Variants in ANXA10 observed in about 807,000 individuals in gnomAD.
The protein encoded by ANXA10 is annexin A10, also known as annexin 14.
In ANXA10, 49 loss-of-function variants were observed where a neutral mutation model predicts 53.5. The observed-to-expected ratio is 0.92, with a 90% CI of 0.73 to 1.16. The LOEUF (loss-of-function observed/expected upper bound fraction) is 1.16, where lower values mean the gene tolerates loss of function less well. ANXA10 is among the 50% of genes most tolerant of loss of function. The pLI, the probability that ANXA10 is intolerant of heterozygous loss-of-function variation, is 0.00. For missense variants in ANXA10, 393 were observed against 394.4 expected (o/e 1.00, Z 0.03); for synonymous variants, 131 against 128.9 (o/e 1.02, Z -0.11).
intron 8 of ANXA10, 172 bp downstream of exon 8, chr4:168,178,155 C>A: frequency 1.7e-6 from 1 of 587,830 alleles, no homozygotes; most frequent in South Asian, 2.3e-5. Context: ...AATGACATTA[C>A]TAAGGAATAA....
chr4:168,171,706 T>C (rs1371054687), intron 6 of ANXA10, among the ~76,000 whole-genome samples: 2 of 152,224 alleles, frequency 1.3e-5, no homozygotes, highest in Non-Finnish European at 2.9e-5. Context: ...ACATTCTTCT[T>C]GAAAACTAAT....
In ANXA10 at chr4:168,146,265, G is replaced by A. The variant is rs973663651; in HGVS notation, c.195+6685G>A. ...GGTCAGATTTCAAGTAGTCTAGAAA[G>A]CCAAAAACATGGCACAGATTATTTT... is the stretch of plus-strand genomic sequence containing the variant. On this transcript the variant is annotated intron_variant, in intron 3 of 11. Transcript: ENST00000359299. Among the ~76,000 whole-genome samples the A allele has an allele frequency of 3.3e-5, 5 of 152,288 alleles. No homozygotes were observed. In the East Asian group the frequency reaches 7.7e-4, roughly 24 times the overall value.
intron 2 of ANXA10, among the ~76,000 whole-genome samples, chr4:168,128,950 AT>A (rs542227205): frequency 1.6e-3 from 238 of 151,870 alleles, no homozygotes; most frequent in Non-Finnish European, 2.7e-3. Flanking sequence ...ACAAAAAAAA[AT>A]ATTATATATA....
rs531057243 is a variant in ANXA10 at position 168,186,951 on chromosome 4, T to C, written c.907-415T>C. Among the ~76,000 whole-genome samples the C allele has an allele frequency of 2.6e-5, 4 of 152,208 alleles. No homozygotes were observed. The East Asian group carries it at 7.7e-4, about 29-fold the overall frequency. On this transcript the variant is annotated intron_variant, in intron 11 of 11. Coordinates refer to ENST00000359299, the MANE Select transcript of ANXA10 (RefSeq NM_007193.5). ...AATAACTTTCTTAATATATATTTCT[T>C]GAGGTAGAATTACTACATTAATAAT...
chr4:168,154,476 C>T (rs529171173), intron 3 of ANXA10, among the ~76,000 whole-genome samples: 11 of 152,102 alleles, frequency 7.2e-5, no homozygotes, highest in Non-Finnish European at 1.0e-4. Flanking sequence ...ATATAATAAA[C>T]GCAAAGATAA....
chr4:168,111,903 G>C (rs999994935), intron 1 of ANXA10, among the ~76,000 whole-genome samples: 2 of 152,042 alleles, frequency 1.3e-5, no homozygotes, highest in Non-Finnish European at 2.9e-5. Flanking sequence ...TTACAAGGAG[G>C]GCTGAGTAGT....
At chr4:168,153,445 AAACAAAAAC>A (rs1731537408) in intron 3 of ANXA10, among the ~76,000 whole-genome samples, 1 of 53,464 alleles carries the variant, frequency 1.9e-5, no homozygotes, top group Non-Finnish European at 4.7e-5. Flanking sequence ...AAAAAAACAA[AAACAAAAAC>A]AAAACAAAAA....
intron 1 of ANXA10, among the ~76,000 whole-genome samples, chr4:168,117,345 TC>T (rs1330038501): frequency 6.6e-6 from 1 of 152,220 alleles, no homozygotes; most frequent in Non-Finnish European, 1.5e-5. Context: ...GTGTGTGTTC[TC>T]CAAAATAACT....
chr4:168,097,975 A>G (rs1730578713), intron 1 of ANXA10, among the ~76,000 whole-genome samples: 1 of 152,070 alleles, frequency 6.6e-6, no homozygotes, highest in Admixed American at 6.6e-5. Flanking sequence ...ACCTCTCTAG[A>G]TATGTTGGTT....
At chr4:168,111,666 TAAG>T (rs1419630423) in intron 1 of ANXA10, among the ~76,000 whole-genome samples, 7 of 152,106 alleles carry the variant, frequency 4.6e-5, no homozygotes, top group Non-Finnish European at 8.8e-5. Context: ...TAATATCAAA[TAAG>T]ATAAAGAATA....
intron 1 of ANXA10, among the ~76,000 whole-genome samples, chr4:168,095,299 T>A (rs1330736192): frequency 9.9e-5 from 15 of 152,014 alleles, no homozygotes. Flanking sequence ...TACTATAGAT[T>A]CATTTCTTAG....
intron 1 of ANXA10, among the ~76,000 whole-genome samples, chr4:168,095,305 C>A (rs1730524005): frequency 6.6e-6 from 1 of 151,942 alleles, no homozygotes; most frequent in African/African-American, 2.4e-5. Context: ...AGATTCATTT[C>A]TTAGATGATA....
chr4:168,186,502 T>C (rs749834724), intron 11 of ANXA10, among the ~76,000 whole-genome samples: 2 of 152,302 alleles, frequency 1.3e-5, no homozygotes, highest in East Asian at 1.9e-4. Flanking sequence ...CCTTATAAAA[T>C]AGGCCAAAGA....
At chr4:168,102,291 GC>G (rs1730652852) in intron 1 of ANXA10, among the ~76,000 whole-genome samples, 1 of 151,996 alleles carries the variant, frequency 6.6e-6, no homozygotes, top group Non-Finnish European at 1.5e-5. Context: ...AACAAAATGT[GC>G]TTTTTGTGGT....
chr4:168,159,052 C>A (rs948737084), intron 3 of ANXA10, among the ~76,000 whole-genome samples: 1 of 152,182 alleles, frequency 6.6e-6, no homozygotes, highest in African/African-American at 2.4e-5. Flanking sequence ...GTACAGCTTG[C>A]AGAACCATGA....
intron 6 of ANXA10, among the ~76,000 whole-genome samples, chr4:168,166,109 A>G (rs1731873509): frequency 6.6e-6 from 1 of 152,222 alleles, no homozygotes. Flanking sequence ...AAACACTATA[A>G]TACAAATATT....
chr4:168,093,419 G>C (rs1004978483), intron 1 of ANXA10, among the ~76,000 whole-genome samples: 6 of 152,084 alleles, frequency 3.9e-5, no homozygotes, highest in African/African-American at 1.2e-4. Flanking sequence ...TAAGTTGTCT[G>C]AATATGCTTT....
intron 2 of ANXA10, among the ~76,000 whole-genome samples, chr4:168,137,582 C>G (rs1362715700): frequency 3.3e-5 from 5 of 152,132 alleles, no homozygotes; most frequent in Admixed American, 1.3e-4. Flanking sequence ...CTGATTCTAT[C>G]TATGTTGCTG....
At chr4:168,115,224 A>G (rs1357734960) in intron 1 of ANXA10, among the ~76,000 whole-genome samples, 1 of 152,102 alleles carries the variant, frequency 6.6e-6, no homozygotes, top group Non-Finnish European at 1.5e-5. Flanking sequence ...ACTGGTGGGC[A>G]TTTAGGCTGA....
Sources: allele counts gnomAD v4.1 joint callset (sites outside exome capture counted in the v4.1 genomes callset), GRCh38; gene constraint gnomAD v4.1.1; transcripts MANE v1.5; gene names NCBI Gene and HGNC (gene_info 2026-07-23, HGNC 2026-07-21).